The following LBHD2 variants were observed in gnomAD, a reference collection of about 807,000 sequenced individuals.
LBHD2 encodes LBH domain-containing protein 2.
At chr14:103,089,436 G>A (rs973634718) in intron 3 of LBHD2, among the ~76,000 whole-genome samples, 1 of 152,146 alleles carries the variant, frequency 6.6e-6, no homozygotes, top group Non-Finnish European at 1.5e-5. Context: ...CTTGGGCTCT[G>A]GGGATATCCT....
At chr14:103,085,673 C>T (rs1889622886) in intron 1 of LBHD2, among the ~76,000 whole-genome samples, 1 of 152,238 alleles carries the variant, frequency 6.6e-6, no homozygotes, top group African/African-American at 2.4e-5. Context: ...TGCTTCTGTC[C>T]TCCCAGCTGG....
intron 2 of LBHD2, among the ~76,000 whole-genome samples, 165 bp downstream of exon 2, chr14:103,086,246 C>T (rs1025513676): frequency 6.6e-6 from 1 of 152,190 alleles, no homozygotes; most frequent in African/African-American, 2.4e-5. Flanking sequence ...GAGTCTTGCT[C>T]TGTTGCCCAG....
At chr14:103,085,640 T>G (rs1043785571) in intron 1 of LBHD2, among the ~76,000 whole-genome samples, 2 of 152,218 alleles carry the variant, frequency 1.3e-5, no homozygotes, top group Non-Finnish European at 2.9e-5. Flanking sequence ...GTGTCCTTCC[T>G]GCACTATTCC....
At chr14:103,087,741 G>T (rs1889654076) in intron 2 of LBHD2, among the ~76,000 whole-genome samples, 2 of 152,210 alleles carry the variant, frequency 1.3e-5, no homozygotes, top group African/African-American at 4.8e-5. Context: ...GCAGCTGGGG[G>T]TGCGCAGAAG....
At position 103,089,768 on chromosome 14, in the gene LBHD2, G is replaced by A. The variant is rs532792990; in HGVS notation, c.298G>A (p.Glu100Lys). The change falls in exon 4 of 4, where the codon GAG (glutamate) becomes AAG (lysine). Residue 100 changes from glutamate (E) to lysine (K), a missense_variant. Transcript: ENST00000634353. Reference protein sequence around the residue: ...DNAGSECACSEDPAAPARG With the variant: ...DNAGSECACSKDPAAPARG ...CGCTGGCAGCGAGTGTGCCTGCTCC[G>A]AGGACCCAGCAGCCCCGGCCCGGGG... The A allele has an allele frequency of 1.0e-5, 4 of 398,656 alleles. No individual in the cohort carries two copies. The highest frequency in any genetic ancestry group is 2.5e-4 in the South Asian group (2 of 7,870). 24.7% of individuals were successfully genotyped at this position (398,656 alleles called of 1,614,324 possible).
chr14:103,087,663 C>G (rs1190534969), intron 2 of LBHD2, among the ~76,000 whole-genome samples: 1 of 152,230 alleles, frequency 6.6e-6, no homozygotes. Flanking sequence ...TCCTCTGAGC[C>G]TGGAGGAGGC....
At position 103,089,721 on chromosome 14, in the gene LBHD2, A is replaced by G. The variant is rs1889686285; in HGVS notation, c.251A>G (p.Glu84Gly). ...GCCCCCTCGCCGAGTCTGCCCGGAGAACCAGGGAAAGCTGCAGATAACGCT... is the reference window on the plus strand; with the variant it reads ...GCCCCCTCGCCGAGTCTGCCCGGAGGACCAGGGAAAGCTGCAGATAACGCT... Reference protein sequence around the residue: ...AAAPSPSLPGEPGKAADNAGS... With the variant: ...AAAPSPSLPGGPGKAADNAGS... The change falls in exon 4 of 4, where the codon GAA (glutamate) becomes GGA (glycine). Residue 84 changes from glutamate (E) to glycine (G), a missense_variant. Coordinates refer to ENST00000634353, the MANE Select transcript of LBHD2 (RefSeq NM_001330236.2). 1 of 398,498 alleles carries G rather than the reference A, an allele frequency of 2.5e-6. No homozygotes were observed. The allele number at this position is 398,498 out of a possible 1,614,324, so 24.7% of individuals were successfully genotyped here.
intron 3 of LBHD2, among the ~76,000 whole-genome samples, 178 bp downstream of exon 3, chr14:103,088,419 T>G (rs1231000869): frequency 2.0e-5 from 3 of 152,220 alleles, no homozygotes; most frequent in African/African-American, 7.2e-5. Flanking sequence ...TGCCTGGCCT[T>G]AACCCCCCTC....
chr14:103,089,273 C>T (rs931834836), intron 3 of LBHD2, among the ~76,000 whole-genome samples: 35 of 152,166 alleles, frequency 2.3e-4, no homozygotes, highest in African/African-American at 8.4e-4. Flanking sequence ...CCCCAGACCT[C>T]AGCCTGTACT....
chr14:103,084,759 C>T (rs1375892905), intron 1 of LBHD2, among the ~76,000 whole-genome samples: 2 of 152,174 alleles, frequency 1.3e-5, no homozygotes, highest in Non-Finnish European at 2.9e-5. Flanking sequence ...AGCTCAGTCA[C>T]CTCTCGCCTG....
chr14:103,086,358 C>G (rs1889632390), intron 2 of LBHD2, among the ~76,000 whole-genome samples: 1 of 152,154 alleles, frequency 6.6e-6, no homozygotes, highest in South Asian at 2.1e-4. Context: ...ATTACAGGTG[C>G]CCACCACTAT....
chr14:103,088,653 G>A (rs1016371644), intron 3 of LBHD2, among the ~76,000 whole-genome samples: 12 of 152,224 alleles, frequency 7.9e-5, no homozygotes, highest in African/African-American at 2.9e-4. Context: ...TGGGGGGATG[G>A]GCTGGCCTGT....
At chr14:103,089,231 G>A (rs921703245) in intron 3 of LBHD2, among the ~76,000 whole-genome samples, 2 of 152,138 alleles carry the variant, frequency 1.3e-5, no homozygotes, top group African/African-American at 4.8e-5. Flanking sequence ...CGCAGCTGGG[G>A]CCGCTCAGCA....
rs149525446 is a variant in LBHD2, at chr14:103,086,370, C to T, written c.69+289C>T. On this transcript the variant is annotated intron_variant, in intron 2 of 3. Transcript: ENST00000634353. ...GGGATTACAGGTGCCCACCACTATG[C>T]CCAGTTAATTTTTGTATTTTTAGTA... Among the ~76,000 whole-genome samples the T allele has an allele frequency of 5.7e-3, 865 of 152,288 alleles. 5 individuals are homozygous for T. Among genetic ancestry groups the T allele is most frequent in the Middle Eastern group, 0.014 (4 of 294 alleles).
chr14:103,087,082 G>C (rs1347467839), intron 2 of LBHD2, among the ~76,000 whole-genome samples: 3 of 152,242 alleles, frequency 2.0e-5, no homozygotes, highest in Non-Finnish European at 4.4e-5. Flanking sequence ...GGTGGCCCCT[G>C]GGAGGATCCA....
chr14:103,084,431 G>C (rs1214043407), intron 1 of LBHD2, 84 bp downstream of exon 1: 1 of 152,284 alleles, frequency 6.6e-6, no homozygotes, highest in Non-Finnish European at 1.5e-5. Flanking sequence ...GGACGGCGTG[G>C]GTTCGCGGGG....
At chr14:103,087,994 C>A (rs934086217) in intron 2 of LBHD2, 91 bp from the exon 3 acceptor site, 1 of 397,980 alleles carries the variant, frequency 2.5e-6, no homozygotes, top group African/African-American at 2.1e-5. Flanking sequence ...GGTCTCTGAT[C>A]TCCCTAGTGG....
intron 1 of LBHD2, among the ~76,000 whole-genome samples, 157 bp from the exon 2 acceptor site, chr14:103,085,819 C>T (rs965019752): frequency 3.9e-5 from 6 of 152,306 alleles, no homozygotes; most frequent in South Asian, 2.1e-4. Context: ...CCTCTGGCGG[C>T]GGGCTCAGGC....
At chr14:103,084,992 CT>C (rs1315743123) in intron 1 of LBHD2, among the ~76,000 whole-genome samples, 1 of 152,186 alleles carries the variant, frequency 6.6e-6, no homozygotes, top group African/African-American at 2.4e-5. Flanking sequence ...TCACTGCCCG[CT>C]GCCCCGAGAG....
Sources: gnomAD v4.1 joint callset for allele counts (sites outside exome capture counted in the v4.1 genomes callset) on GRCh38, gnomAD v4.1.1 for gene constraint, MANE v1.5 for transcripts, NCBI Gene and HGNC (gene_info 2026-07-23, HGNC 2026-07-21) for gene names.